Variants in SCAPER observed in about 807,000 individuals in gnomAD.
SCAPER encodes the protein S-phase cyclin A associated protein in the ER.
In SCAPER, 98 loss-of-function variants were observed where a neutral mutation model predicts 182.2. The ratio of observed to expected loss-of-function variants is 0.54; its 90% CI spans 0.46 to 0.64. SCAPER has a LOEUF of 0.64. Ranked by LOEUF, SCAPER falls within the 30% of genes least tolerant of loss-of-function variation. SCAPER has a pLI of 0.00. For synonymous variants in SCAPER, 605 were observed against 564.6 expected (o/e 1.07, Z -1.01); for missense variants, 1,432 against 1,690.0 (o/e 0.85, Z 2.68).
chr15:76,705,588 G>C (rs2059218734), intron 18 of SCAPER, among the ~76,000 whole-genome samples: 1 of 149,928 alleles, frequency 6.7e-6, no homozygotes, highest in African/African-American at 2.5e-5. Flanking sequence ...TTTTAGGATG[G>C]TTAAAAAAAA....
rs1195582099 is a variant in SCAPER, at chr15:76,350,878, T to C, written c.4099+359A>G. The stretch of plus-strand genomic sequence containing the variant: ...TGGATAAGGAACCAAACCTATGTGA[T>C]TTCAGCATTTATGTGAGAAATGTGG... On this transcript the variant is annotated intron_variant, in intron 31 of 31. Transcript: ENST00000563290. 4 of 167,180 alleles carry C rather than the reference T, an allele frequency of 2.4e-5. No homozygotes were observed. In the East Asian group the frequency reaches 6.5e-4, roughly 27 times the overall value. The allele number at this position is 167,180 out of a possible 1,614,324, so 10.4% of individuals were successfully genotyped here.
chr15:76,888,058 A>C (rs2152581260), intron 1 of SCAPER, among the ~76,000 whole-genome samples: 1 of 152,360 alleles, frequency 6.6e-6, no homozygotes, highest in Admixed American at 6.5e-5. Flanking sequence ...GACCTCCAGC[A>C]AACTCCAACA....
intron 29 of SCAPER, among the ~76,000 whole-genome samples, chr15:76,363,904 T>G (rs925543376): frequency 1.3e-5 from 2 of 152,156 alleles, no homozygotes; most frequent in Admixed American, 1.3e-4. Context: ...TCCACATTGC[T>G]CTTACCAAGT....
At chr15:76,818,382 T>A (rs2067250068) in intron 5 of SCAPER, among the ~76,000 whole-genome samples, 1 of 152,184 alleles carries the variant, frequency 6.6e-6, no homozygotes, top group Non-Finnish European at 1.5e-5. Flanking sequence ...TAGATGGTCT[T>A]GGATGCAACA....
intron 20 of SCAPER, among the ~76,000 whole-genome samples, chr15:76,689,002 C>G (rs2147103945): frequency 6.6e-6 from 1 of 152,082 alleles, no homozygotes; most frequent in South Asian, 2.1e-4. Flanking sequence ...GTGCTCGTCA[C>G]CACGGCCAGC....
intron 21 of SCAPER, among the ~76,000 whole-genome samples, chr15:76,662,148 A>G (rs1017895484): frequency 1.3e-5 from 2 of 152,266 alleles, no homozygotes; most frequent in Admixed American, 6.5e-5. Flanking sequence ...ACATGGACAC[A>G]GGGAGGGGAA....
intron 20 of SCAPER, among the ~76,000 whole-genome samples, chr15:76,682,124 G>A (rs950292137): frequency 3.3e-5 from 5 of 152,110 alleles, no homozygotes; most frequent in South Asian, 2.1e-4. Context: ...GACCATCAGA[G>A]AGCTCCGTTA....
At chr15:76,742,342 T>A (rs545253941) in intron 15 of SCAPER, among the ~76,000 whole-genome samples, 2 of 147,950 alleles carry the variant, frequency 1.4e-5, no homozygotes, top group Non-Finnish European at 3.0e-5. Flanking sequence ...GTAGGTAATC[T>A]AGAGGAAGAA....
intron 8 of SCAPER, among the ~76,000 whole-genome samples, chr15:76,792,123 T>C (rs1167947152): frequency 6.8e-6 from 1 of 147,996 alleles, no homozygotes; most frequent in African/African-American, 2.5e-5. Flanking sequence ...AAAAAAAAGG[T>C]CAAATAATTG....
At chr15:76,738,153 T>A (rs1161410982) in intron 15 of SCAPER, among the ~76,000 whole-genome samples, 9 of 152,216 alleles carry the variant, frequency 5.9e-5, no homozygotes, top group Non-Finnish European at 1.5e-5. Context: ...TTTTTCTTTT[T>A]GTTTTTCAAG....
chr15:76,686,795 G>A (rs978860751), intron 20 of SCAPER, among the ~76,000 whole-genome samples: 1 of 152,022 alleles, frequency 6.6e-6, no homozygotes, highest in Non-Finnish European at 1.5e-5. Context: ...AGTCCCTAAA[G>A]ATTACATACA....
chr15:76,681,026 G>A (rs2057673161), intron 20 of SCAPER, among the ~76,000 whole-genome samples: 2 of 152,154 alleles, frequency 1.3e-5, no homozygotes, highest in Admixed American at 6.5e-5. Context: ...AAATCAGCAA[G>A]GATATAGTAG....
At chr15:76,731,411 A>C (rs2060914947) in intron 16 of SCAPER, among the ~76,000 whole-genome samples, 1 of 152,228 alleles carries the variant, frequency 6.6e-6, no homozygotes, top group Admixed American at 6.5e-5. Flanking sequence ...ATACATACCA[A>C]TAACAGCAAA....
chr15:76,825,755 G>GT (rs1168037844), intron 5 of SCAPER, among the ~76,000 whole-genome samples: 2 of 151,910 alleles, frequency 1.3e-5, no homozygotes, highest in Admixed American at 6.6e-5. Flanking sequence ...CTTTTGTTTT[G>GT]TTTTTTTGAG....
chr15:76,425,337 ACTTCT>A (rs1263049327), intron 26 of SCAPER, among the ~76,000 whole-genome samples: 2 of 151,674 alleles, frequency 1.3e-5, no homozygotes, highest in Non-Finnish European at 2.9e-5. Flanking sequence ...TTTTCTCTAA[ACTTCT>A]CTTCTCGCTT....
intron 8 of SCAPER, among the ~76,000 whole-genome samples, chr15:76,790,092 G>A (rs979037889): frequency 3.3e-5 from 5 of 152,136 alleles, no homozygotes; most frequent in Admixed American, 2.0e-4. Flanking sequence ...TTAGCCAGGC[G>A]TGGTGGCGGG....
At chr15:76,637,746 G>GATTATATATATATATA (rs2053748774) in intron 21 of SCAPER, among the ~76,000 whole-genome samples, 1 of 18,166 alleles carries the variant, frequency 5.5e-5, no homozygotes. Flanking sequence ...ATATATATGT[G>GATTATATATATATATA]TGTGTGTGTG....
intron 29 of SCAPER, among the ~76,000 whole-genome samples, chr15:76,372,992 T>C (rs1157542829): frequency 6.6e-6 from 1 of 152,142 alleles, no homozygotes; most frequent in African/African-American, 2.4e-5. Flanking sequence ...GTGATTCCAT[T>C]TTTTTCTTTA....
intron 23 of SCAPER, among the ~76,000 whole-genome samples, chr15:76,570,331 T>C (rs978079839): frequency 6.6e-6 from 1 of 152,052 alleles, no homozygotes; most frequent in Non-Finnish European, 1.5e-5. Flanking sequence ...TTTTTTTTTT[T>C]CTCACCAGTC....
Sources: gnomAD v4.1 joint callset for allele counts (sites outside exome capture counted in the v4.1 genomes callset) on GRCh38, gnomAD v4.1.1 for gene constraint, MANE v1.5 for transcripts, NCBI Gene and HGNC (gene_info 2026-07-23, HGNC 2026-07-21) for gene names.